CSMD1: variants seen among roughly 807,000 people sequenced by gnomAD.
CSMD1 encodes the protein CUB and Sushi multiple domains 1, also known as CUB and sushi domain-containing protein 1.
Under a neutral mutation model 417.5 loss-of-function variants are expected in CSMD1, and 213 were observed. The observed-to-expected ratio is 0.51, with a 90% confidence interval of 0.46 to 0.57. The LOEUF (loss-of-function observed/expected upper bound fraction) is 0.57, where lower values mean the gene tolerates loss of function less well. Ranked by LOEUF, CSMD1 falls within the 20% of genes least tolerant of loss-of-function variation. The pLI, the probability that CSMD1 is intolerant of heterozygous loss-of-function variation, is 0.00. For missense variants in CSMD1, 6,923 were observed against 4,529.7 expected (o/e 1.53, Z -15.17); for synonymous variants, 2,862 against 1,736.8 (o/e 1.65, Z -16.11).
intron 3 of CSMD1, among the ~76,000 whole-genome samples, chr8:4,362,878 C>G (rs1801852020): frequency 2.6e-5 from 4 of 152,096 alleles, no homozygotes; most frequent in Admixed American, 2.6e-4. Flanking sequence ...CATGGCTCAT[C>G]TGAGTTATAA....
At chr8:4,218,813 T>C (rs1411964388) in intron 3 of CSMD1, among the ~76,000 whole-genome samples, 4 of 152,200 alleles carry the variant, frequency 2.6e-5, no homozygotes, top group Non-Finnish European at 5.9e-5. Flanking sequence ...TTTCTCAGTG[T>C]CAATCCTTTT....
chr8:4,197,793 T>TG (rs1799424802), intron 3 of CSMD1, among the ~76,000 whole-genome samples: 1 of 152,226 alleles, frequency 6.6e-6, no homozygotes, highest in Admixed American at 6.5e-5. Context: ...ATGGGAGGAT[T>TG]GCTTGAACCC....
At chr8:3,341,443 C>G (rs1023246639) in intron 23 of CSMD1, among the ~76,000 whole-genome samples, 6 of 152,144 alleles carry the variant, frequency 3.9e-5, no homozygotes, top group Admixed American at 3.3e-4. Context: ...AGAAATCATT[C>G]CAACTGGAAA....
intron 10 of CSMD1, among the ~76,000 whole-genome samples, chr8:3,494,600 ATAGATAG>A (rs1796288175): frequency 7.0e-6 from 1 of 142,398 alleles, no homozygotes; most frequent in Non-Finnish European, 1.6e-5. Context: ...AGATAGATAG[ATAGATAG>A]ATGACAGATA....
intron 3 of CSMD1, among the ~76,000 whole-genome samples, chr8:4,166,426 CCATAA>C (rs1797460319): frequency 6.6e-6 from 1 of 152,056 alleles, no homozygotes; most frequent in African/African-American, 2.4e-5. Flanking sequence ...ACAATAATAG[CCATAA>C]CATAGAATGA....
intron 3 of CSMD1, among the ~76,000 whole-genome samples, chr8:4,085,093 G>T (rs983849081): frequency 6.6e-6 from 1 of 152,086 alleles, no homozygotes; most frequent in African/African-American, 2.4e-5. Flanking sequence ...ATAAATCAGG[G>T]AATATTGGTC....
intron 3 of CSMD1, among the ~76,000 whole-genome samples, chr8:4,033,949 TAGC>T (rs1288098666): frequency 3.3e-5 from 5 of 152,206 alleles, no homozygotes; most frequent in Non-Finnish European, 1.5e-5. Context: ...ATCAGTAAAT[TAGC>T]TGCTATTTAG....
intron 48 of CSMD1, 122 bp from the exon 49 acceptor site, chr8:3,087,407 C>A: frequency 9.9e-7 from 1 of 1,006,952 alleles, no homozygotes; most frequent in East Asian, 2.4e-5. Flanking sequence ...AAATGAGCAC[C>A]AGTATGTAAG....
intron 3 of CSMD1, among the ~76,000 whole-genome samples, chr8:4,311,943 T>A (rs1316467874): frequency 6.6e-6 from 1 of 152,042 alleles, no homozygotes; most frequent in Non-Finnish European, 1.5e-5. Flanking sequence ...AACCTTCACT[T>A]GTATCCCTAA....
At chr8:4,616,319 AG>A (rs2130803301) in intron 2 of CSMD1, among the ~76,000 whole-genome samples, 1 of 152,338 alleles carries the variant, frequency 6.6e-6, no homozygotes, top group African/African-American at 2.4e-5. Context: ...GGAAAATAAT[AG>A]GGAAGATGCC....
At chr8:4,457,116 T>C (rs1047614827) in intron 2 of CSMD1, among the ~76,000 whole-genome samples, 1 of 152,144 alleles carries the variant, frequency 6.6e-6, no homozygotes, top group African/African-American at 2.4e-5. Context: ...ATGTGTTTCT[T>C]ACTGTGAAAG....
At chr8:4,754,139 T>C (rs1046972531) in intron 1 of CSMD1, among the ~76,000 whole-genome samples, 1 of 152,140 alleles carries the variant, frequency 6.6e-6, no homozygotes, top group Non-Finnish European at 1.5e-5. Context: ...GTGGTAGCAA[T>C]AAAATAGACA....
intron 3 of CSMD1, among the ~76,000 whole-genome samples, chr8:4,087,465 C>T (rs1205794209): frequency 6.6e-6 from 1 of 152,190 alleles, no homozygotes; most frequent in African/African-American, 2.4e-5. Flanking sequence ...CAACTTCTGT[C>T]CCTTTTCTTT....
chr8:4,190,961 G>C (rs149543540), intron 3 of CSMD1, among the ~76,000 whole-genome samples: 1 of 151,658 alleles, frequency 6.6e-6, no homozygotes, highest in East Asian at 1.9e-4. Context: ...AGTGGGGGGG[G>C]CGGGGAAGGG....
intron 1 of CSMD1, among the ~76,000 whole-genome samples, chr8:4,969,797 C>G (rs1810119713): frequency 6.6e-6 from 1 of 152,036 alleles, no homozygotes; most frequent in Non-Finnish European, 1.5e-5. Context: ...AACTTTAACA[C>G]TACCTAATTT....
intron 2 of CSMD1, among the ~76,000 whole-genome samples, chr8:4,429,156 T>C (rs1585059847): frequency 6.7e-6 from 1 of 150,300 alleles, no homozygotes; most frequent in East Asian, 1.9e-4. Context: ...TGGATTATTA[T>C]ATATAATATA....
At chr8:3,285,335 A>G (rs1359833932) in intron 25 of CSMD1, among the ~76,000 whole-genome samples, 2 of 152,100 alleles carry the variant, frequency 1.3e-5, no homozygotes, top group Non-Finnish European at 2.9e-5. Context: ...AGAGAAAAGT[A>G]TAGCAGATAG....
intron 3 of CSMD1, among the ~76,000 whole-genome samples, chr8:4,374,815 C>T (rs569101181): frequency 1.4e-4 from 22 of 152,140 alleles, no homozygotes; most frequent in Non-Finnish European, 2.2e-4. Flanking sequence ...GGCAGGAAAA[C>T]GGCCTGCTGA....
intron 2 of CSMD1, among the ~76,000 whole-genome samples, chr8:4,478,851 T>A (rs73514652): frequency 0.021 from 3,187 of 152,300 alleles, 138 homozygotes; most frequent in African/African-American, 0.073. Context: ...CATCCATACT[T>A]AGATTTTTGA....
Sources: allele counts gnomAD v4.1 joint callset (sites outside exome capture counted in the v4.1 genomes callset), GRCh38; gene constraint gnomAD v4.1.1; transcripts MANE v1.5; gene names NCBI Gene and HGNC (gene_info 2026-07-23, HGNC 2026-07-21).